The following TTC39A variants were observed in gnomAD, a reference collection of about 807,000 sequenced individuals.
TTC39A encodes tetratricopeptide repeat protein 39A.
In TTC39A, 46 loss-of-function variants were observed where a neutral mutation model predicts 82.3. The observed-to-expected ratio is 0.56, with a 90% CI of 0.44 to 0.71. The LOEUF is 0.71. Ranked by LOEUF, TTC39A falls within the 30% of genes least tolerant of loss-of-function variation. The pLI is 0.00. For synonymous variants in TTC39A, 254 were observed against 275.2 expected (o/e 0.92, Z 0.76); for missense variants, 543 against 712.9 (o/e 0.76, Z 2.71).
chr1:51,331,291 T>C, upstream of TTC39A: 2 of 1,546,326 alleles, frequency 1.3e-6, no homozygotes, highest in South Asian at 1.2e-5. Flanking sequence ...TCCCCAAATG[T>C]CCACTGTGCA....
chr1:51,328,823 G>T (rs566853085), intron 1 of TTC39A, among the ~76,000 whole-genome samples: 17 of 152,312 alleles, frequency 1.1e-4, no homozygotes, highest in Admixed American at 5.9e-4. Context: ...TTTAAGGCTT[G>T]ATTTGTTCAC....
At chr1:51,333,194 C>A (rs1204776840), upstream of TTC39A, among the ~76,000 whole-genome samples, 4 of 86,856 alleles carry the variant, frequency 4.6e-5, no homozygotes, top group East Asian at 7.4e-4. Context: ...CCTGGGTTAA[C>A]AAGAGCAAAA....
In TTC39A at chr1:51,315,590, C is replaced by G. The variant is rs1171835027; in HGVS notation, c.147-2647G>C. Among the ~76,000 whole-genome samples the G allele has an allele frequency of 2.0e-5, 3 of 152,270 alleles. No individual in the cohort carries two copies. In the East Asian group the frequency reaches 5.8e-4, roughly 29 times the overall value. ...ACTCCACTTTCTGGTCCTTTCAGAC[C>G]CCACTTCATTGTCTTCCTCTCCAGC... On this transcript the variant is annotated intron_variant, in intron 2 of 17. Coordinates refer to ENST00000680483, the MANE Select transcript of TTC39A (RefSeq NM_001297663.2).
Position 51,294,448 on chromosome 1 carries a change from G to A in TTC39A, c.1209C>T (p.Ile403=). Residue 403 remains isoleucine (I), a synonymous_variant, in exon 14 of 18, where the codon ATC becomes ATT. Transcript: ENST00000680483. The surrounding 1 kb of genome is among the most constrained non-coding windows in gnomAD (Gnocchi z 4.3). The part of the protein sequence containing the change: ...GKSLPTEKFA[I]RKSRRYFSSN... ...AGGAGAAGTAGCGCCGGGACTTCCG[G>A]ATGGCAAACTTCTCTGTGGGTAGAG... is the stretch of plus-strand genomic sequence containing the variant. 2 of 1,614,032 alleles carry A rather than the reference G, an allele frequency of 1.2e-6. No individual in the cohort carries two copies. The highest frequency in any genetic ancestry group is 1.7e-6 in the Non-Finnish European group (2 of 1,179,898).
intron 12 of TTC39A, 147 bp downstream of exon 12, chr1:51,301,425 C>T (rs191401498): frequency 4.3e-4 from 464 of 1,077,400 alleles, no homozygotes; most frequent in Non-Finnish European, 5.7e-4. Context: ...TCTTTAGTTC[C>T]TTCCAAGCCT....
At position 51,296,134 on chromosome 1, in the gene TTC39A, T is replaced by C; in HGVS notation, c.1090A>G (p.Met364Val). Residue 364 changes from methionine (M) to valine (V), a missense_variant, in exon 13 of 18, where the codon ATG (methionine) becomes GTG (valine). By Grantham distance (21) the Met-to-Val change is conservative (BLOSUM62 1). Transcript: ENST00000680483. ...YIYMKAAYLS[M>V]FGKEDHKPFG... The stretch of plus-strand genomic sequence containing the variant: ...GGCTTGTGGTCCTCCTTCCCAAACA[T>C]GCTGAGGTAGGCGGCCTTCATGTAA... The C allele has an allele frequency of 6.2e-7, 1 of 1,600,444 alleles. No homozygotes were observed. Among genetic ancestry groups the C allele is most frequent in the South Asian group, 1.1e-5 (1 of 88,454 alleles).
rs1644418782 is a variant in TTC39A at position 51,296,227 on chromosome 1, G to C, written c.1054-57C>G. On this transcript the variant is annotated intron_variant, in intron 12 of 17. Coordinates refer to ENST00000680483, the MANE Select transcript of TTC39A (RefSeq NM_001297663.2). ...GCAGCCCTCCTCCAGCCCCAGCCGG[G>C]CTGGAATCTGCAGACGGACCTCACG... is the stretch of plus-strand genomic sequence containing the variant. The C allele has an allele frequency of 3.3e-6, 5 of 1,520,708 alleles. No individual in the cohort carries two copies. The Admixed American group carries it at 5.9e-5, about 18-fold the overall frequency. 94.2% of individuals were successfully genotyped at this position (1,520,708 alleles called of 1,614,324 possible). A position where few individuals can be genotyped will look rare whatever the true frequency, so the allele number is the denominator to read the frequency against.
In TTC39A at chr1:51,305,137, T is replaced by C. The variant is rs1644822062; in HGVS notation, c.598A>G (p.Met200Val). The C allele has an allele frequency of 3.7e-6, 6 of 1,613,290 alleles. No homozygotes were observed. Among genetic ancestry groups the C allele is most frequent in the Non-Finnish European group, 5.1e-6 (6 of 1,179,498 alleles). ...AGCCTCAGGATCCTAGTAGGAAGCA[T>C]GGACAGTGTCTGCAAGAAAGGAGGC... ...GVGAFNLTLS[M>V]LPTRILRLLE... Residue 200 changes from methionine to valine, a missense_variant, in exon 8 of 18, where the codon ATG becomes GTG. By Grantham distance (21) the Met-to-Val change is conservative. Transcript: ENST00000680483.
intron 12 of TTC39A, chr1:51,299,453 G>T (rs1454003930): frequency 6.6e-6 from 1 of 152,300 alleles, no homozygotes; most frequent in East Asian, 1.9e-4. Flanking sequence ...AGAGCAGGTG[G>T]TGCCTATGGC....
chr1:51,342,475 T>A (rs1646048685), intron 1 of TTC39A, among the ~76,000 whole-genome samples: 1 of 152,038 alleles, frequency 6.6e-6, no homozygotes, highest in Non-Finnish European at 1.5e-5. Flanking sequence ...GATCAAACAA[T>A]GAATCAATGT....
At chr1:51,302,240 G>GCCCCCCCCCCCCCCCCCCCCCCC in intron 11 of TTC39A, 117 bp downstream of exon 11, 1 of 623,708 alleles carries the variant, frequency 1.6e-6, no homozygotes, top group Non-Finnish European at 2.9e-6. Context: ...TTCTCTCTTG[G>GCCCCCCCCCCCCCCCCCCCCCCC]CCCCCCCCCC....
chr1:51,318,071 G>A (rs1291041165), intron 2 of TTC39A, among the ~76,000 whole-genome samples: 7 of 152,204 alleles, frequency 4.6e-5, no homozygotes, highest in South Asian at 2.1e-4. Context: ...CCTGTGTTTC[G>A]ACTCCCTTCT....
At chr1:51,289,085 T>C in intron 16 of TTC39A, 130 bp from the exon 17 acceptor site, 1 of 746,466 alleles carries the variant, frequency 1.3e-6, no homozygotes. Flanking sequence ...CTGGGATCCA[T>C]AGCAAAGCCT....
At chr1:51,345,013 C>T in exon 1 of TTC39A, 1 of 1,522,406 alleles carries the variant, frequency 6.6e-7, no homozygotes, top group Non-Finnish European at 8.8e-7. Context: ...TTCCCGGAGG[C>T]CGCCTCCTTC....
At chr1:51,316,124 G>A (rs1161169423) in intron 2 of TTC39A, among the ~76,000 whole-genome samples, 1 of 152,016 alleles carries the variant, frequency 6.6e-6, no homozygotes, top group Non-Finnish European at 1.5e-5. Flanking sequence ...TTCCCTGCTG[G>A]ACCCTGAGAA....
At chr1:51,293,285 T>C (rs1357897820) in intron 14 of TTC39A, among the ~76,000 whole-genome samples, 1 of 152,214 alleles carries the variant, frequency 6.6e-6, no homozygotes, top group Non-Finnish European at 1.5e-5. Context: ...CAGGCCAGTC[T>C]CTAACTCCTG....
At chr1:51,335,836 G>A (rs984564166), upstream of TTC39A, among the ~76,000 whole-genome samples, 3 of 152,148 alleles carry the variant, frequency 2.0e-5, no homozygotes, top group Non-Finnish European at 4.4e-5. Flanking sequence ...TGTAGAAAGA[G>A]CTTAAGCTGT....
chr1:51,317,568 G>A lies in TTC39A; in HGVS notation c.146+4153C>T, dbSNP rs184774521. Among the ~76,000 whole-genome samples the A allele has an allele frequency of 1.6e-3, 238 of 152,300 alleles. 5 individuals carry two copies. Among genetic ancestry groups the A allele is most frequent in the African/African-American group, 5.2e-3 (215 of 41,558 alleles). On this transcript the variant is annotated intron_variant, in intron 2 of 17. Coordinates refer to ENST00000680483, the MANE Select transcript of TTC39A (RefSeq NM_001297663.2). ...GTTGGAGGCCAGCCTGGCCAAAATC[G>A]TGAAACCCTGTCTCTACTAAAAATA...
chr1:51,292,694 G>T (rs1644268613), intron 14 of TTC39A, among the ~76,000 whole-genome samples: 1 of 152,112 alleles, frequency 6.6e-6, no homozygotes, highest in African/African-American at 2.4e-5. Flanking sequence ...GCCTCCCAAA[G>T]TTCTGGGATT....
Sources: allele counts gnomAD v4.1 joint callset (sites outside exome capture counted in the v4.1 genomes callset), GRCh38; gene constraint gnomAD v4.1.1; non-coding constraint Gnocchi (gnomAD v3.1); transcripts MANE v1.5; gene names NCBI Gene and HGNC (gene_info 2026-07-23, HGNC 2026-07-21).